Variants in ANKRD44 observed in about 807,000 individuals in gnomAD.
ANKRD44 encodes ankyrin repeat domain 44.
A neutral mutation model predicts 116.0 loss-of-function variants in ANKRD44; 35 were observed. The ratio of observed to expected loss-of-function variants is 0.30; its 90% CI spans 0.23 to 0.40. The LOEUF (loss-of-function observed/expected upper bound fraction) is 0.40. Ranked by LOEUF, ANKRD44 falls within the 10% of genes least tolerant of loss-of-function variation. The probability of loss-of-function intolerance (pLI) is 1.00; values close to 1 mark genes in which losing one functional copy is unlikely to be tolerated. For missense variants in ANKRD44, 1,014 were observed against 1,242.6 expected, an observed-to-expected ratio of 0.82 and a Z score of 2.77; for synonymous variants, 435 against 461.8, an observed-to-expected ratio of 0.94 and a Z score of 0.74.
chr2:197,095,958 T>C (rs1043313755), intron 10 of ANKRD44, among the ~76,000 whole-genome samples: 2 of 152,216 alleles, frequency 1.3e-5, no homozygotes, highest in Admixed American at 6.5e-5. Flanking sequence ...TCATCTAGTT[T>C]ATGTTTATAC....
At chr2:196,995,274 CA>C in intron 26 of ANKRD44, 104 bp downstream of exon 26, 1 of 685,602 alleles carries the variant, frequency 1.5e-6, no homozygotes. Flanking sequence ...CATCTTTCAC[CA>C]CTGTGCTCCC....
intron 2 of ANKRD44, among the ~76,000 whole-genome samples, chr2:197,171,982 T>C (rs1312531343): frequency 6.8e-6 from 1 of 146,682 alleles, no homozygotes; most frequent in African/African-American, 2.5e-5. Context: ...ATTATTACCA[T>C]GTCCGTTATT....
In ANKRD44 at chr2:197,066,605, C is replaced by A. The variant is rs372492215; in HGVS notation, c.1650+12098G>T. On this transcript the variant is annotated intron_variant, in intron 16 of 27. Coordinates refer to ENST00000282272, the MANE Select transcript of ANKRD44 (RefSeq NM_001195144.2). ...ACTTCAGCAAAGTCTCAGGATACAACATCAATGTGCAAAAATCACAAGCAT... is the reference window on the plus strand; with the variant it reads ...ACTTCAGCAAAGTCTCAGGATACAAAATCAATGTGCAAAAATCACAAGCAT... 3.3e-5 allele frequency among the ~76,000 whole-genome samples: 5 copies of A among 152,234 alleles called. No individual in the cohort carries two copies. In the East Asian group the frequency reaches 7.7e-4, roughly 24 times the overall value.
rs1204753571 is a variant in ANKRD44, at chr2:197,116,378, T to C, written c.906+4954A>G. On this transcript the variant is annotated intron_variant, in intron 8 of 27. Transcript: ENST00000282272. ...AAGGATTCACAGGATGTCCTTCAGATACCAGGATGGCAAGACAGATGTCTA... is the reference window on the plus strand; with the variant it reads ...AAGGATTCACAGGATGTCCTTCAGACACCAGGATGGCAAGACAGATGTCTA... 5.3e-5 allele frequency among the ~76,000 whole-genome samples: 8 copies of C among 152,238 alleles called. No homozygotes were observed. The South Asian group carries it at 1.0e-3, about 20-fold the overall frequency.
At chr2:197,189,394 G>T (rs1301015953) in intron 1 of ANKRD44, among the ~76,000 whole-genome samples, 4 of 152,268 alleles carry the variant, frequency 2.6e-5, no homozygotes, top group African/African-American at 9.6e-5. Context: ...GTCTTGAAAA[G>T]AATACAAGTT....
In ANKRD44 at chr2:196,988,039, T is replaced by C; in HGVS notation, c.*1552A>G. ...CAGTTCATTGTGAGCATGATTTCAT[T>C]TCGTTCCTTTGTCCTCCTTCTATGA... On this transcript the variant is annotated 3_prime_UTR_variant, in exon 28 of 28. Transcript: ENST00000282272. 13 of 985,360 alleles carry C rather than the reference T, an allele frequency of 1.3e-5. No individual in the cohort carries two copies. The highest frequency in any genetic ancestry group is 1.6e-5 in the Non-Finnish European group (13 of 829,912). The allele number at this position is 985,360 out of a possible 1,614,324, so 61.0% of individuals were successfully genotyped here.
At chr2:197,131,657 C>G (rs1275399022) in intron 4 of ANKRD44, among the ~76,000 whole-genome samples, 1 of 152,218 alleles carries the variant, frequency 6.6e-6, no homozygotes. Flanking sequence ...TGATGCTCCT[C>G]TCAACTGGTT....
At chr2:197,137,260 A>T (rs1182394252) in intron 3 of ANKRD44, among the ~76,000 whole-genome samples, 2 of 152,170 alleles carry the variant, frequency 1.3e-5, no homozygotes, top group Non-Finnish European at 2.9e-5. Flanking sequence ...ACGAAAGGAG[A>T]GGAGGAGAAA....
intron 3 of ANKRD44, among the ~76,000 whole-genome samples, chr2:197,144,730 C>G (rs13424250): frequency 0.058 from 8,818 of 152,200 alleles, 870 homozygotes; most frequent in African/African-American, 0.2. Flanking sequence ...TCTCCCAGCT[C>G]TACTAAATCA....
chr2:196,989,260 AC>A lies in ANKRD44; in HGVS notation c.*330del. ...ACACATTTACAGCAAAAGTATATGG[AC>A]ATTTTCTCTAGTTTGGCAAAAAAAA... On this transcript the variant is annotated 3_prime_UTR_variant, in exon 28 of 28. Transcript: ENST00000282272. 3 of 988,940 alleles carry A rather than the reference AC, an allele frequency of 3.0e-6. No individual in the cohort carries two copies. The highest frequency in any genetic ancestry group is 3.6e-6 in the Non-Finnish European group (3 of 832,334). The allele number at this position is 988,940 out of a possible 1,614,324, so 61.3% of individuals were successfully genotyped here.
At chr2:197,052,211 A>C in intron 16 of ANKRD44, among the ~76,000 whole-genome samples, 1 of 152,184 alleles carries the variant, frequency 6.6e-6, no homozygotes, top group East Asian at 1.9e-4. Flanking sequence ...CCCATCCTTC[A>C]CGTTTAATTT....
chr2:197,011,477 T>G (rs2076300119), intron 18 of ANKRD44, among the ~76,000 whole-genome samples: 1 of 127,642 alleles, frequency 7.8e-6, no homozygotes, highest in African/African-American at 2.6e-5. Flanking sequence ...CCTCAGGTAT[T>G]TTTTTTTTTT....
At chr2:197,205,770 A>G (rs2081192572) in intron 1 of ANKRD44, among the ~76,000 whole-genome samples, 2 of 152,190 alleles carry the variant, frequency 1.3e-5, no homozygotes, top group Non-Finnish European at 2.9e-5. Flanking sequence ...ACAGGGTCAT[A>G]TGGGAGGGAC....
At chr2:197,082,411 C>A (rs1465642774) in intron 14 of ANKRD44, among the ~76,000 whole-genome samples, 1 of 152,190 alleles carries the variant, frequency 6.6e-6, no homozygotes, top group Non-Finnish European at 1.5e-5. Flanking sequence ...TAAGCCATTA[C>A]TGAATTGTGA....
At chr2:197,154,473 C>G (rs1255982306) in intron 2 of ANKRD44, among the ~76,000 whole-genome samples, 3 of 152,214 alleles carry the variant, frequency 2.0e-5, no homozygotes, top group Non-Finnish European at 4.4e-5. Flanking sequence ...GCCACCGCGC[C>G]CGGCCACTAT....
intron 16 of ANKRD44, among the ~76,000 whole-genome samples, chr2:197,035,813 C>G (rs899854246): frequency 3.3e-5 from 5 of 152,116 alleles, no homozygotes; most frequent in African/African-American, 1.2e-4. Context: ...GCTGAGTCTG[C>G]AGAAGTTCCA....
At chr2:197,075,245 A>C (rs371957708) in intron 16 of ANKRD44, among the ~76,000 whole-genome samples, 219 of 152,328 alleles carry the variant, frequency 1.4e-3, no homozygotes, top group African/African-American at 5.1e-3. Flanking sequence ...CAAATCTTTA[A>C]TATTGTAAAA....
intron 1 of ANKRD44, among the ~76,000 whole-genome samples, chr2:197,259,294 T>TG (rs1252170626): frequency 1.3e-5 from 2 of 152,180 alleles, no homozygotes; most frequent in Non-Finnish European, 2.9e-5. Flanking sequence ...TCCTGCTTAC[T>TG]TATATACATC....
chr2:196,996,902 CAAAAAAAAA>C (rs55760106), intron 25 of ANKRD44, among the ~76,000 whole-genome samples: 2 of 88,966 alleles, frequency 2.2e-5, no homozygotes, highest in Admixed American at 1.4e-4. Flanking sequence ...GACTCTGCCT[CAAAAAAAAA>C]AAAAAAAAAA....
Sources: gnomAD v4.1 joint callset for allele counts (sites outside exome capture counted in the v4.1 genomes callset) on GRCh38, gnomAD v4.1.1 for gene constraint, MANE v1.5 for transcripts, NCBI Gene and HGNC (gene_info 2026-07-23, HGNC 2026-07-21) for gene names.